The following ETV7 variants were observed in gnomAD, a reference collection of about 807,000 sequenced individuals.
ETV7 encodes ETS variant transcription factor 7.
Under a neutral mutation model 39.1 loss-of-function variants are expected in ETV7, and 43 were observed. The observed-to-expected ratio is 1.10, with a 90% CI of 0.86 to 1.42. The LOEUF (loss-of-function observed/expected upper bound fraction) is 1.42, where lower values mean the gene tolerates loss of function less well. ETV7 is among the 40% of genes most tolerant of loss of function. The pLI, the probability that ETV7 is intolerant of heterozygous loss-of-function variation, is 0.00. For synonymous variants in ETV7, 196 were observed against 176.6 expected, an observed-to-expected ratio of 1.11 and a Z score of -0.87; for missense variants, 432 against 442.3, an observed-to-expected ratio of 0.98 and a Z score of 0.21.
chr6:36,370,263 G>A (rs73406987), intron 5 of ETV7, among the ~76,000 whole-genome samples: 171 of 152,266 alleles, frequency 1.1e-3, no homozygotes, highest in African/African-American at 3.7e-3. Flanking sequence ...AGGCCGGCAC[G>A]GTGGTTCACG....
chr6:36,368,783 C>T, intron 6 of ETV7, 146 bp downstream of exon 6: 1 of 1,088,716 alleles, frequency 9.2e-7, no homozygotes, highest in Non-Finnish European at 1.3e-6. Context: ...CAATAGCTCC[C>T]CAAATAAAAT....
In ETV7 at chr6:36,371,550, G is replaced by T; in HGVS notation, c.444C>A (p.Gly148=). 2 of 1,589,358 alleles carry T rather than the reference G, an allele frequency of 1.3e-6. No homozygotes were observed. Among genetic ancestry groups the T allele is most frequent in the Non-Finnish European group, 1.7e-6 (2 of 1,169,786 alleles). Reference sequence around the variant, plus strand: ...CCCTTCGGGTGTCCATCTGAGAGGGGCCAGTCACCTCTGCAAGCAGATGAG... The same window carrying T: ...CCCTTCGGGTGTCCATCTGAGAGGGTCCAGTCACCTCTGCAAGCAGATGAG... ...HSPVPPEEVT[G]PSQMDTRRGH... is the part of the protein sequence containing the mutation. Residue 148 remains glycine, a synonymous_variant, in exon 5 of 8, where the codon GGC becomes GGA. Transcript: ENST00000340181.
rs145124677 is a variant in ETV7 at position 36,380,138 on chromosome 6, T to C, written c.143-4103A>G. On this transcript the variant is annotated intron_variant, in intron 2 of 7. Transcript: ENST00000340181. Reference sequence around the variant, plus strand: ...ATAAATGTCAATTAGGTAATACACGTAAAATGCGTGGCACAGGGTCCAACA... The same window carrying C: ...ATAAATGTCAATTAGGTAATACACGCAAAATGCGTGGCACAGGGTCCAACA... Among the ~76,000 whole-genome samples, 548 of 152,272 alleles carry C rather than the reference T, an allele frequency of 3.6e-3. 1 individual carries two copies. The highest frequency in any genetic ancestry group is 0.012 in the African/African-American group (512 of 41,538).
chr6:36,384,257 G>A (rs1461415922), intron 2 of ETV7, among the ~76,000 whole-genome samples: 2 of 152,172 alleles, frequency 1.3e-5, no homozygotes, highest in Non-Finnish European at 2.9e-5. Context: ...TAATCTAGGA[G>A]AAAATAGGCC....
In ETV7 at chr6:36,368,959, A is replaced by C; in HGVS notation, c.777T>G (p.Asn259Lys). The stretch of plus-strand genomic sequence containing the variant: ...GATTTCCCCAGAGTCTGGCGAGCCC[A>C]TTTGGATCCACAACTCGGAAGATCT... ...DAKIFRVVDPNGLARLWGNHK... is the reference protein window; with the variant it reads ...DAKIFRVVDPKGLARLWGNHK... The change falls in exon 6 of 8, where the codon AAT (asparagine) becomes AAG (lysine). Residue 259 changes from asparagine (N) to lysine (K), a missense_variant. Physicochemically the swap from Asn to Lys is moderately conservative, Grantham distance 94. Coordinates refer to ENST00000340181, the MANE Select transcript of ETV7 (RefSeq NM_016135.4). 1 of 1,614,112 alleles carries C rather than the reference A, an allele frequency of 6.2e-7. No individual in the cohort carries two copies.
At chr6:36,372,929 A>G (rs559278700) in intron 4 of ETV7, among the ~76,000 whole-genome samples, 1 of 151,762 alleles carries the variant, frequency 6.6e-6, no homozygotes, top group Admixed American at 6.6e-5. Flanking sequence ...AGAAGCAGAG[A>G]GGGGTACCCC....
chr6:36,366,101 G>A, downstream of ETV7: 3 of 755,060 alleles, frequency 4.0e-6, no homozygotes, highest in Non-Finnish European at 4.8e-6. Context: ...TTGAACCCAG[G>A]AGGCGGAAGT....
chr6:36,386,917 C>T (rs1773932441), intron 1 of ETV7: 2 of 160,658 alleles, frequency 1.2e-5, no homozygotes, highest in South Asian at 3.2e-4. Context: ...GTCTACTCCT[C>T]TGTCCTCATC....
At chr6:36,362,250 C>G (rs956457285), downstream of ETV7, among the ~76,000 whole-genome samples, 1 of 151,378 alleles carries the variant, frequency 6.6e-6, no homozygotes, top group East Asian at 1.9e-4. Flanking sequence ...TGCAGCGAGC[C>G]GAGATCGCGC....
At position 36,385,560 on chromosome 6, in the gene ETV7, C is replaced by A. The variant is rs761906206; in HGVS notation, c.116G>T (p.Gly39Val). Reference protein sequence around the residue: ...EAQINLLGEGGICKLPGRLRI... With the variant: ...EAQINLLGEGVICKLPGRLRI... ...GAGTCTTCCTGGCAGCTTGCAGATC[C>A]CCCCTTCACCCAGCAGGTTAATTTG... The change falls in exon 2 of 8, where the codon GGG becomes GTG. Residue 39 changes from glycine (G) to valine (V), a missense_variant. Transcript: ENST00000340181. 2 of 1,614,216 alleles carry A rather than the reference C, an allele frequency of 1.2e-6. No homozygotes were observed. The highest frequency in any genetic ancestry group is 3.3e-5 in the Admixed American group (2 of 60,024).
At chr6:36,362,956 C>G (rs959078383), downstream of ETV7, among the ~76,000 whole-genome samples, 1 of 152,244 alleles carries the variant, frequency 6.6e-6, no homozygotes, top group Admixed American at 6.5e-5. Context: ...AACCACAATG[C>G]TGAGAAGAGG....
At position 36,375,940 on chromosome 6, in the gene ETV7, A is replaced by G; in HGVS notation, c.238T>C (p.Phe80Leu). Residue 80 changes from phenylalanine (F) to leucine (L), a missense_variant, in exon 3 of 8, where the codon TTC (phenylalanine) becomes CTC (leucine). Physicochemically the swap from Phe to Leu is conservative, Grantham distance 22. Transcript: ENST00000340181. ...CAGAGGGCGCGTCCGTTCATCTCGA[A>G]CCCGTGCTCCGCGGTGCATGGCAGA... ...YSLPCTAEHG[F>L]EMNGRALCIL... 1.2e-6 allele frequency: 2 copies of G among 1,613,786 alleles called. No homozygotes were observed. The highest frequency in any genetic ancestry group is 1.7e-6 in the Non-Finnish European group (2 of 1,180,008).
chr6:36,369,178 C>A, intron 5 of ETV7, 107 bp from the exon 6 acceptor site: 1 of 1,281,594 alleles, frequency 7.8e-7, no homozygotes, highest in Non-Finnish European at 1.1e-6. Context: ...CCTAGGAGCA[C>A]CAGCAGGAAG....
chr6:36,361,248 G>C (rs1399166766), downstream of ETV7, among the ~76,000 whole-genome samples: 4 of 152,168 alleles, frequency 2.6e-5, no homozygotes, highest in Admixed American at 2.6e-4. Flanking sequence ...TTTGAGGGCC[G>C]AGGTGTCACT....
intron 6 of ETV7, among the ~76,000 whole-genome samples, chr6:36,367,608 T>C (rs2127387013): frequency 6.6e-6 from 1 of 152,094 alleles, no homozygotes. Flanking sequence ...ATATATATAT[T>C]TGTGGGAAAT....
intron 2 of ETV7, among the ~76,000 whole-genome samples, chr6:36,384,455 C>T (rs1773798167): frequency 6.6e-6 from 1 of 152,146 alleles, no homozygotes; most frequent in South Asian, 2.1e-4. Context: ...TTCATTAATT[C>T]ATTCAATAGA....
chr6:36,374,607 C>T lies in ETV7; in HGVS notation c.308-1029G>A, dbSNP rs376205739. On this transcript the variant is annotated intron_variant, in intron 3 of 7. Transcript: ENST00000340181. ...CCAGCCCCAAGCTCACCTGCTTCCC[C>T]GCTTTGCCTCAGTGCAGGACCATCA... is the stretch of plus-strand genomic sequence containing the variant. 1.1e-4 allele frequency among the ~76,000 whole-genome samples: 17 copies of T among 152,302 alleles called. No homozygotes were observed. The East Asian group carries it at 2.3e-3, about 21-fold the overall frequency.
chr6:36,385,569 C>T lies in ETV7; in HGVS notation c.107G>A (p.Gly36Asp). The T allele has an allele frequency of 1.9e-6, 3 of 1,614,252 alleles. No homozygotes were observed. The highest frequency in any genetic ancestry group is 2.5e-6 in the Non-Finnish European group (3 of 1,180,048). Residue 36 changes from glycine to aspartate, a missense_variant, in exon 2 of 8, where the codon GGT becomes GAT. Coordinates refer to ENST00000340181, the MANE Select transcript of ETV7 (RefSeq NM_016135.4). ...ARCEAQINLL[G>D]EGGICKLPGR... ...TGGCAGCTTGCAGATCCCCCCTTCACCCAGCAGGTTAATTTGAGCTTCACA... is the reference window on the plus strand; with the variant it reads ...TGGCAGCTTGCAGATCCCCCCTTCATCCAGCAGGTTAATTTGAGCTTCACA...
intron 4 of ETV7, among the ~76,000 whole-genome samples, chr6:36,371,994 G>A (rs1292545633): frequency 6.6e-6 from 1 of 152,208 alleles, no homozygotes; most frequent in Non-Finnish European, 1.5e-5. Flanking sequence ...TGCTAGTTGA[G>A]AGCAGGGGAG....
Sources: allele counts gnomAD v4.1 joint callset (sites outside exome capture counted in the v4.1 genomes callset), GRCh38; gene constraint gnomAD v4.1.1; transcripts MANE v1.5; gene names NCBI Gene and HGNC (gene_info 2026-07-23, HGNC 2026-07-21).